The following DACH1 variants were observed in gnomAD, a reference collection of about 807,000 sequenced individuals.
DACH1 encodes dachshund homolog 1.
In DACH1, 12 loss-of-function variants were observed where a neutral mutation model predicts 54.2. That is an observed-to-expected ratio of 0.22 (90% CI 0.14 to 0.36). The LOEUF is 0.36. DACH1 is among the 10% of genes least tolerant of loss of function. DACH1 has a pLI of 1.00. For synonymous variants in DACH1, 386 were observed against 366.2 expected (o/e 1.05, Z -0.62); for missense variants, 805 against 929.8 (o/e 0.87, Z 1.75).
chr13:71,853,454 T>C (rs1398917242), intron 1 of DACH1, among the ~76,000 whole-genome samples: 3 of 152,198 alleles, frequency 2.0e-5, no homozygotes, highest in Admixed American at 6.5e-5. Context: ...GACAACAGGA[T>C]AAGGTTACTT....
chr13:71,727,997 T>A (rs914939640), intron 1 of DACH1, among the ~76,000 whole-genome samples: 1 of 152,082 alleles, frequency 6.6e-6, no homozygotes, highest in African/African-American at 2.4e-5. Context: ...AACAGGAATG[T>A]GATCAGGTGC....
At chr13:71,694,342 C>T (rs568842789) in intron 1 of DACH1, among the ~76,000 whole-genome samples, 41 of 123,290 alleles carry the variant, frequency 3.3e-4, no homozygotes, top group Non-Finnish European at 1.6e-5. Flanking sequence ...CTTTTTGATG[C>T]CCCCGTGAGG....
chr13:71,799,315 G>C (rs550757175), intron 1 of DACH1, among the ~76,000 whole-genome samples: 5 of 152,180 alleles, frequency 3.3e-5, no homozygotes, highest in African/African-American at 1.2e-4. Flanking sequence ...TTTATAACAA[G>C]TTGAAAATAA....
intron 6 of DACH1, among the ~76,000 whole-genome samples, chr13:71,524,478 C>T (rs79348878): frequency 0.1 from 15,310 of 152,080 alleles, 1,411 homozygotes; most frequent in South Asian, 0.38. Context: ...GATGAAGTGG[C>T]ATTTTGGTCT....
chr13:71,757,121 A>G (rs1016642716), intron 1 of DACH1, among the ~76,000 whole-genome samples: 1 of 152,242 alleles, frequency 6.6e-6, no homozygotes, highest in Non-Finnish European at 1.5e-5. Context: ...CATAAAGCAA[A>G]AATAGTTTAT....
chr13:71,597,477 T>A (rs1446678181), intron 3 of DACH1, among the ~76,000 whole-genome samples: 1 of 152,216 alleles, frequency 6.6e-6, no homozygotes, highest in African/African-American at 2.4e-5. Flanking sequence ...AGGGCTTAAA[T>A]GCACACAATT....
intron 6 of DACH1, among the ~76,000 whole-genome samples, chr13:71,534,947 A>G (rs1457332596): frequency 1.3e-5 from 2 of 151,768 alleles, no homozygotes; most frequent in East Asian, 3.9e-4. Context: ...AGAAGAATGT[A>G]ATTTTATTTT....
At chr13:71,665,922 T>C (rs1044049639) in intron 2 of DACH1, among the ~76,000 whole-genome samples, 1 of 152,110 alleles carries the variant, frequency 6.6e-6, no homozygotes, top group Non-Finnish European at 1.5e-5. Flanking sequence ...ATCTGTTAAA[T>C]GAGACAAACA....
chr13:71,560,639 T>C (rs770187613), intron 4 of DACH1, among the ~76,000 whole-genome samples: 12 of 152,186 alleles, frequency 7.9e-5, no homozygotes, highest in African/African-American at 1.2e-4. Context: ...TGCTTCCTGA[T>C]ACTCTATTTT....
intron 6 of DACH1, among the ~76,000 whole-genome samples, chr13:71,506,515 C>T (rs371551806): frequency 2.0e-5 from 3 of 151,852 alleles, no homozygotes; most frequent in East Asian, 1.9e-4. Flanking sequence ...ATGTGCCACA[C>T]TTTCTTAATC....
chr13:71,572,757 G>A, intron 4 of DACH1, 83 bp downstream of exon 4: 1 of 1,410,794 alleles, frequency 7.1e-7, no homozygotes, highest in Non-Finnish European at 9.6e-7. Flanking sequence ...GAGTTCAGAT[G>A]TACTTATGGA....
intron 3 of DACH1, among the ~76,000 whole-genome samples, chr13:71,599,453 C>A (rs1165523508): frequency 6.6e-6 from 1 of 152,040 alleles, no homozygotes; most frequent in Non-Finnish European, 1.5e-5. Flanking sequence ...TTGTTCTGAA[C>A]AGAACCAACA....
chr13:71,687,828 C>G (rs758150443), intron 1 of DACH1, among the ~76,000 whole-genome samples: 3 of 152,068 alleles, frequency 2.0e-5, no homozygotes, highest in African/African-American at 4.8e-5. Flanking sequence ...AGGCTGGTCT[C>G]GAATTCCTGG....
At chr13:71,789,466 A>G (rs1171452029) in intron 1 of DACH1, among the ~76,000 whole-genome samples, 2 of 152,164 alleles carry the variant, frequency 1.3e-5, no homozygotes, top group Non-Finnish European at 2.9e-5. Flanking sequence ...ATTATTTCTG[A>G]GTTTATCATA....
At chr13:71,593,052 C>T (rs1209221759) in intron 3 of DACH1, among the ~76,000 whole-genome samples, 4 of 152,014 alleles carry the variant, frequency 2.6e-5, no homozygotes, top group African/African-American at 9.7e-5. Context: ...AGCACCTCAC[C>T]ACAGAAAAAT....
Position 71,822,529 on chromosome 13 carries a change from T to C in DACH1, c.848+43393A>G, listed in dbSNP as rs751332672. On this transcript the variant is annotated intron_variant, in intron 1 of 10. Coordinates refer to ENST00000613252, the MANE Select transcript of DACH1 (RefSeq NM_080759.6). Reference sequence around the variant, plus strand: ...ACTGCATGTTTCCCAAAAGTTGCAATGAATGTGGAAAGGGAATTAACTAAA... The same window carrying C: ...ACTGCATGTTTCCCAAAAGTTGCAACGAATGTGGAAAGGGAATTAACTAAA... Among the ~76,000 whole-genome samples, 21 of 152,280 alleles carry C rather than the reference T, an allele frequency of 1.4e-4. No individual in the cohort carries two copies. In the South Asian group the frequency reaches 2.1e-3, roughly 15 times the overall value.
At chr13:71,592,267 T>A (rs1426356919) in intron 3 of DACH1, among the ~76,000 whole-genome samples, 1 of 151,584 alleles carries the variant, frequency 6.6e-6, no homozygotes, top group East Asian at 1.9e-4. Context: ...ATCTCAATAT[T>A]TTTGGAGGCC....
intron 1 of DACH1, among the ~76,000 whole-genome samples, chr13:71,699,485 C>A (rs1456416153): frequency 1.3e-5 from 2 of 152,152 alleles, no homozygotes; most frequent in Non-Finnish European, 2.9e-5. Context: ...AGTATATCTT[C>A]CCAGAAGGCA....
At chr13:71,463,177 T>C (rs2138144032) in intron 10 of DACH1, among the ~76,000 whole-genome samples, 1 of 152,132 alleles carries the variant, frequency 6.6e-6, no homozygotes, top group African/African-American at 2.4e-5. Context: ...GTTATTTAAA[T>C]ACATTATCGA....
Sources: gnomAD v4.1 joint callset for allele counts (sites outside exome capture counted in the v4.1 genomes callset) on GRCh38, gnomAD v4.1.1 for gene constraint, MANE v1.5 for transcripts, NCBI Gene and HGNC (gene_info 2026-07-23, HGNC 2026-07-21) for gene names.